The following RSPO2 variants were observed in gnomAD, a reference collection of about 807,000 sequenced individuals.
The protein encoded by RSPO2 is R-spondin 2.
In RSPO2, 14 loss-of-function variants were observed where a neutral mutation model predicts 30.9. The observed-to-expected ratio is 0.45, with a 90% CI of 0.30 to 0.71. The LOEUF is 0.71. RSPO2 is among the 30% of genes least tolerant of loss of function. The pLI is 0.08. For missense variants in RSPO2, 264 were observed against 301.9 expected (o/e 0.87, Z 0.93); for synonymous variants, 107 against 96.4 (o/e 1.11, Z -0.64).
intron 3 of RSPO2, among the ~76,000 whole-genome samples, chr8:107,976,011 C>G (rs1046064222): frequency 6.6e-6 from 1 of 152,238 alleles, no homozygotes; most frequent in Admixed American, 6.5e-5. Flanking sequence ...TGTAAAGCCA[C>G]TTCAGGGCAA....
intron 2 of RSPO2, among the ~76,000 whole-genome samples, chr8:108,029,054 CTTTTTTTTTTT>C (rs71308771): frequency 1.9e-4 from 5 of 26,170 alleles, no homozygotes; most frequent in Non-Finnish European, 4.5e-4. Context: ...TAACATGAGT[CTTTTTTTTTTT>C]TTTTTTTTTT....
chr8:107,931,455 T>G (rs1420716768), intron 5 of RSPO2, among the ~76,000 whole-genome samples: 1 of 152,176 alleles, frequency 6.6e-6, no homozygotes, highest in Non-Finnish European at 1.5e-5. Flanking sequence ...TATTACTTTA[T>G]GTTTGGACAC....
chr8:108,057,238 A>C (rs1204749209), intron 2 of RSPO2, among the ~76,000 whole-genome samples: 2 of 152,076 alleles, frequency 1.3e-5, no homozygotes, highest in African/African-American at 4.8e-5. Context: ...AAATGTCATC[A>C]AAATCAGTAA....
chr8:107,912,711 C>T lies in RSPO2; in HGVS notation c.617-11521G>A, dbSNP rs537489214. Among the ~76,000 whole-genome samples, 8 of 152,174 alleles carry T rather than the reference C, an allele frequency of 5.3e-5. No individual in the cohort carries two copies. The East Asian group carries it at 1.5e-3, about 29-fold the overall frequency. On this transcript the variant is annotated intron_variant, in intron 5 of 5. Transcript: ENST00000276659. ...TGATAATCAAGTTTGGGGCTTCTGCCTAACTAAGGGATGCAGAGTTGGCAC... is the reference window on the plus strand; with the variant it reads ...TGATAATCAAGTTTGGGGCTTCTGCTTAACTAAGGGATGCAGAGTTGGCAC...
At chr8:108,059,294 A>C (rs936893450) in intron 2 of RSPO2, among the ~76,000 whole-genome samples, 2 of 151,916 alleles carry the variant, frequency 1.3e-5, no homozygotes, top group African/African-American at 4.9e-5. Flanking sequence ...AATCAAAACC[A>C]CAATGAGATA....
chr8:107,943,299 T>C (rs1204674693), intron 5 of RSPO2, among the ~76,000 whole-genome samples: 2 of 152,204 alleles, frequency 1.3e-5, no homozygotes, highest in East Asian at 1.9e-4. Context: ...TGCATAATAC[T>C]GATTGTGGAA....
At chr8:107,994,569 G>C (rs866020485) in intron 2 of RSPO2, among the ~76,000 whole-genome samples, 4 of 151,858 alleles carry the variant, frequency 2.6e-5, no homozygotes, top group Non-Finnish European at 5.9e-5. Context: ...CCTATAGCTG[G>C]TATAAAATGT....
At chr8:107,962,607 T>C (rs1036004559) in intron 3 of RSPO2, among the ~76,000 whole-genome samples, 1 of 152,168 alleles carries the variant, frequency 6.6e-6, no homozygotes, top group Non-Finnish European at 1.5e-5. Flanking sequence ...AATAAAACCA[T>C]GGTCCATAGC....
intron 5 of RSPO2, among the ~76,000 whole-genome samples, chr8:107,954,605 T>TTTTA (rs1554576269): frequency 2.5e-4 from 10 of 39,726 alleles, no homozygotes; most frequent in Non-Finnish European, 3.1e-4. Context: ...TATTTATTTA[T>TTTTA]TTTATTTATT....
chr8:108,082,047 T>C (rs1813215492), intron 2 of RSPO2: 1 of 318,268 alleles, frequency 3.1e-6, no homozygotes, highest in Non-Finnish European at 4.5e-6. Context: ...CACGCTTGGG[T>C]ACACCCACAC....
chr8:107,910,401 T>C (rs1375197191), intron 5 of RSPO2, among the ~76,000 whole-genome samples: 1 of 152,216 alleles, frequency 6.6e-6, no homozygotes, highest in African/African-American at 2.4e-5. Context: ...CTGGGCATGG[T>C]ACATGCCTGT....
Position 107,909,082 on chromosome 8 carries a change from ATACTAGGCAATT to A in RSPO2, c.617-7904_617-7893del, listed in dbSNP as rs1305384173. ...TGGTGAGGGTGGAAAGACAGCAAAT[ATACTAGGCAATT>A]TGCTAGGCCCTGCTGTAGTCCACTT... On this transcript the variant is annotated intron_variant, in intron 5 of 5. Coordinates refer to ENST00000276659, the MANE Select transcript of RSPO2 (RefSeq NM_178565.5). Among the ~76,000 whole-genome samples the A allele has an allele frequency of 6.6e-5, 10 of 152,216 alleles. No individual in the cohort carries two copies. The Middle Eastern group carries it at 0.014, about 207-fold the overall frequency.
At chr8:108,017,799 T>C (rs1405240602) in intron 2 of RSPO2, among the ~76,000 whole-genome samples, 2 of 152,208 alleles carry the variant, frequency 1.3e-5, no homozygotes, top group African/African-American at 4.8e-5. Context: ...ATTTCAACCT[T>C]ATGGAAATAA....
intron 5 of RSPO2, among the ~76,000 whole-genome samples, chr8:107,926,920 C>G (rs574118254): frequency 0.01 from 1,550 of 152,112 alleles, 28 homozygotes; most frequent in African/African-American, 0.034. Context: ...TAGTTTTTTC[C>G]AATTCTGTGA....
chr8:107,967,480 G>A (rs1209544327), intron 3 of RSPO2, among the ~76,000 whole-genome samples: 1 of 151,886 alleles, frequency 6.6e-6, no homozygotes, highest in Non-Finnish European at 1.5e-5. Flanking sequence ...ACATTTTTTT[G>A]TAATACAGTC....
intron 2 of RSPO2, among the ~76,000 whole-genome samples, chr8:108,040,234 C>T (rs1442994959): frequency 1.3e-5 from 2 of 152,052 alleles, no homozygotes; most frequent in Admixed American, 1.3e-4. Context: ...AAGCAACCAA[C>T]CAGAAGGTTG....
chr8:108,010,324 A>G (rs1323044000), intron 2 of RSPO2, among the ~76,000 whole-genome samples: 1 of 152,180 alleles, frequency 6.6e-6, no homozygotes, highest in East Asian at 1.9e-4. Context: ...GATAATGCAT[A>G]TCTTGCCCTG....
chr8:107,965,476 T>C lies in RSPO2; in HGVS notation c.284-4659A>G, dbSNP rs937027741. Among the ~76,000 whole-genome samples, 46 of 152,178 alleles carry C rather than the reference T, an allele frequency of 3.0e-4. 1 individual carries two copies. ...CAACATTCTCCAGGAACCTAGTATA[T>C]GCCAGACCCTAAGAACCTAAACCCA... On this transcript the variant is annotated intron_variant, in intron 3 of 5. Coordinates refer to ENST00000276659, the MANE Select transcript of RSPO2 (RefSeq NM_178565.5).
chr8:107,983,992 G>C (rs144757464), intron 3 of RSPO2: 1 of 719,764 alleles, frequency 1.4e-6, no homozygotes, highest in Admixed American at 2.5e-5. Context: ...CACCAAAAGG[G>C]GAAAAGAGGA....
Sources: gnomAD v4.1 joint callset for allele counts (sites outside exome capture counted in the v4.1 genomes callset) on GRCh38, gnomAD v4.1.1 for gene constraint, MANE v1.5 for transcripts, NCBI Gene and HGNC (gene_info 2026-07-23, HGNC 2026-07-21) for gene names.